The following PLEKHH2 variants were observed in gnomAD, a reference collection of about 807,000 sequenced individuals.
PLEKHH2 encodes the protein pleckstrin homology domain-containing family H member 2.
A neutral mutation model predicts 187.9 loss-of-function variants in PLEKHH2; 129 were observed. The ratio of observed to expected loss-of-function variants is 0.69; its 90% CI spans 0.59 to 0.79. The LOEUF (loss-of-function observed/expected upper bound fraction) is 0.79, where lower values mean the gene tolerates loss of function less well. PLEKHH2 is among the 30% of genes least tolerant of loss of function. The pLI is 0.00. For missense variants in PLEKHH2, 2,076 were observed against 1,751.2 expected (o/e 1.19, Z -3.31); for synonymous variants, 686 against 605.6 (o/e 1.13, Z -1.95).
Position 43,691,379 on chromosome 2 carries a change from G to A in PLEKHH2, c.187-1135G>A, listed in dbSNP as rs116460459. On this transcript the variant is annotated intron_variant, in intron 3 of 29. Transcript: ENST00000282406. ...TTTATGGGCTCAGAATAGGGAGTGC[G>A]TGCTGATTGGCTTGTGAGTAAGCAA... Among the ~76,000 whole-genome samples, 334 of 152,326 alleles carry A rather than the reference G, an allele frequency of 2.2e-3. 2 individuals are homozygous for A. Among genetic ancestry groups the A allele is most frequent in the African/African-American group, 7.3e-3 (303 of 41,574 alleles).
chr2:43,650,219 G>A (rs550146610), intron 2 of PLEKHH2, among the ~76,000 whole-genome samples: 4 of 132,976 alleles, frequency 3.0e-5, no homozygotes, highest in South Asian at 4.7e-4. Context: ...GGTGCCTTCT[G>A]CCCCCTGGGT....
chr2:43,693,102 AT>A (rs5830766), intron 4 of PLEKHH2, among the ~76,000 whole-genome samples: 86,186 of 150,378 alleles, frequency 0.57, 25,556 homozygotes, highest in African/African-American at 0.71. Context: ...TAATTTTTGT[AT>A]TTTTTTTTTT....
intron 8 of PLEKHH2, among the ~76,000 whole-genome samples, chr2:43,700,846 C>T (rs1249891491): frequency 2.6e-5 from 4 of 152,188 alleles, no homozygotes; most frequent in East Asian, 3.9e-4. Context: ...GACGGGGTTT[C>T]GCCATGTTGG....
At chr2:43,677,826 G>T (rs1320711893) in intron 2 of PLEKHH2, among the ~76,000 whole-genome samples, 1 of 148,620 alleles carries the variant, frequency 6.7e-6, no homozygotes, top group Non-Finnish European at 1.5e-5. Context: ...CTGGGCGGGG[G>T]GCTGACCCCC....
chr2:43,646,785 T>C (rs570968519), intron 2 of PLEKHH2, among the ~76,000 whole-genome samples: 5 of 151,888 alleles, frequency 3.3e-5, no homozygotes, highest in African/African-American at 7.2e-5. Flanking sequence ...ATTGCTGTTC[T>C]AGTTGTGGTT....
rs1379604018 is a variant in PLEKHH2, at chr2:43,648,559, T to TTG, written c.123+3763_123+3764insTG. ...GGAGGTGACCTAAATGTAATTACATTCGTGTGTGTGTGTGTGTGTGTGTGT... is the reference window on the plus strand; with the variant it reads ...GGAGGTGACCTAAATGTAATTACATTTGCGTGTGTGTGTGTGTGTGTGTGTGT... On this transcript the variant is annotated intron_variant, in intron 2 of 29. Transcript: ENST00000282406. Among the ~76,000 whole-genome samples, 62 of 77,284 alleles carry TTG rather than the reference T, an allele frequency of 8.0e-4. No homozygotes were observed. The South Asian group carries it at 0.015, about 19-fold the overall frequency. 50.7% of individuals were successfully genotyped at this position (77,284 alleles called of 152,430 possible).
At chr2:43,731,215 A>G (rs1351979463) in intron 18 of PLEKHH2, among the ~76,000 whole-genome samples, 2 of 152,198 alleles carry the variant, frequency 1.3e-5, no homozygotes, top group East Asian at 3.8e-4. Flanking sequence ...AAATCACTAA[A>G]GAACTTACTC....
intron 2 of PLEKHH2, among the ~76,000 whole-genome samples, chr2:43,648,430 G>A (rs1325056041): frequency 3.3e-5 from 5 of 151,842 alleles, no homozygotes; most frequent in Admixed American, 6.6e-5. Flanking sequence ...CTTGTGATCC[G>A]CCCGCCTTAG....
In PLEKHH2 at chr2:43,759,053, G is replaced by C. The variant is rs751119277; in HGVS notation, c.4071+24G>C. The C allele has an allele frequency of 2.7e-5, 44 of 1,602,196 alleles. 1 individual carries two copies. The highest frequency in any genetic ancestry group is 3.3e-4 in the Middle Eastern group (2 of 6,052). ...AAGTAAGAAAGAATGGGAGAGAGATGCATAATGAAAACCTTTGTGTACATA... is the reference window on the plus strand; with the variant it reads ...AAGTAAGAAAGAATGGGAGAGAGATCCATAATGAAAACCTTTGTGTACATA... On this transcript the variant is annotated intron_variant, in intron 27 of 29. Coordinates refer to ENST00000282406, the MANE Select transcript of PLEKHH2 (RefSeq NM_172069.4).
At chr2:43,641,180 C>A (rs1209048889) in intron 1 of PLEKHH2, among the ~76,000 whole-genome samples, 2 of 152,098 alleles carry the variant, frequency 1.3e-5, no homozygotes, top group Non-Finnish European at 2.9e-5. Flanking sequence ...CCCTGAGATA[C>A]ATGATTTGCA....
chr2:43,665,790 G>T (rs1441281141), intron 2 of PLEKHH2, among the ~76,000 whole-genome samples: 3 of 135,748 alleles, frequency 2.2e-5, no homozygotes, highest in African/African-American at 8.9e-5. Flanking sequence ...CTGCTCCGGG[G>T]TCAGGGGTCA....
chr2:43,735,861 T>A (rs1671266545), intron 19 of PLEKHH2, among the ~76,000 whole-genome samples: 1 of 152,194 alleles, frequency 6.6e-6, no homozygotes, highest in Admixed American at 6.5e-5. Context: ...CGAAAAGGCA[T>A]TTGACAAATT....
In PLEKHH2 at chr2:43,754,192, AC is replaced by A. The variant is rs1558623635; in HGVS notation, c.3795+433del. Among the ~76,000 whole-genome samples the A allele has an allele frequency of 7.3e-4, 92 of 125,206 alleles. 1 individual carries two copies. The highest frequency in any genetic ancestry group is 2.9e-3 in the African/African-American group (83 of 28,190). The allele number at this position is 125,206 out of a possible 152,430, so 82.1% of individuals were successfully genotyped here. A position where few individuals can be genotyped will look rare whatever the true frequency, so the allele number is the denominator to read the frequency against. On this transcript the variant is annotated intron_variant, in intron 25 of 29. Transcript: ENST00000282406. ...CACACACACACACACACACACACAC[AC>A]ACACACACACACAAAATTAATACTG...
At chr2:43,736,908 A>G (rs1290346553) in intron 19 of PLEKHH2, among the ~76,000 whole-genome samples, 1 of 152,196 alleles carries the variant, frequency 6.6e-6, no homozygotes, top group South Asian at 2.1e-4. Flanking sequence ...TCGTGTTTTC[A>G]TCTGAGAACT....
At chr2:43,736,117 A>G (rs1671278838) in intron 19 of PLEKHH2, among the ~76,000 whole-genome samples, 1 of 152,212 alleles carries the variant, frequency 6.6e-6, no homozygotes, top group Admixed American at 6.5e-5. Flanking sequence ...TAGGCAATAA[A>G]TGAAAATATT....
At chr2:43,721,891 T>C (rs986887996) in intron 16 of PLEKHH2, among the ~76,000 whole-genome samples, 10 of 149,848 alleles carry the variant, frequency 6.7e-5, no homozygotes, top group Admixed American at 1.3e-4. Context: ...TGTCTCAAAA[T>C]AAACAAACAA....
At chr2:43,759,165 G>C in intron 27 of PLEKHH2, 136 bp downstream of exon 27, 1 of 1,310,186 alleles carries the variant, frequency 7.6e-7, no homozygotes, top group Non-Finnish European at 1.0e-6. Flanking sequence ...ACAATGAAGA[G>C]ACACTAGAGA....
chr2:43,656,728 C>T (rs1256758030), intron 2 of PLEKHH2, among the ~76,000 whole-genome samples: 1 of 152,156 alleles, frequency 6.6e-6, no homozygotes, highest in Non-Finnish European at 1.5e-5. Context: ...TTAGAGAAAA[C>T]CTTAGTGGGC....
At position 43,647,811 on chromosome 2, in the gene PLEKHH2, T is replaced by C. The variant is rs546648225; in HGVS notation, c.123+3015T>C. Among the ~76,000 whole-genome samples the C allele has an allele frequency of 1.5e-4, 23 of 152,224 alleles. No individual in the cohort carries two copies. The South Asian group carries it at 4.8e-3, about 32-fold the overall frequency. ...GATTCTTGAGAGAATACTAATTTGG[T>C]TCTTTAGCTCTTTGCCCGGAATTGT... On this transcript the variant is annotated intron_variant, in intron 2 of 29. Coordinates refer to ENST00000282406, the MANE Select transcript of PLEKHH2 (RefSeq NM_172069.4).
Sources: allele counts gnomAD v4.1 joint callset (sites outside exome capture counted in the v4.1 genomes callset), GRCh38; gene constraint gnomAD v4.1.1; transcripts MANE v1.5; gene names NCBI Gene and HGNC (gene_info 2026-07-23, HGNC 2026-07-21).